VSTM2B: variants seen among roughly 807,000 people sequenced by gnomAD.
VSTM2B encodes the protein V-set and transmembrane domain-containing protein 2B.
Under a neutral mutation model 24.0 loss-of-function variants are expected in VSTM2B, and 24 were observed. That is an observed-to-expected ratio of 1.00 (90% CI 0.72 to 1.40). The LOEUF (loss-of-function observed/expected upper bound fraction) is 1.40, where lower values mean the gene tolerates loss of function less well. Among genes scored for constraint, VSTM2B ranks in the 40% most tolerant of loss-of-function variants. VSTM2B has a pLI of 0.00. For synonymous variants in VSTM2B, 226 were observed against 194.4 expected, an observed-to-expected ratio of 1.16 and a Z score of -1.35; for missense variants, 399 against 416.4, an observed-to-expected ratio of 0.96 and a Z score of 0.36.
intron 4 of VSTM2B, among the ~76,000 whole-genome samples, chr19:29,554,518 G>T (rs937556151): frequency 1.1e-4 from 17 of 152,130 alleles, no homozygotes; most frequent in Non-Finnish European, 2.5e-4. Context: ...CAACAAGTCT[G>T]CAAAATAACC....
intron 4 of VSTM2B, among the ~76,000 whole-genome samples, chr19:29,544,663 A>T (rs1970108204): frequency 6.6e-6 from 1 of 152,032 alleles, no homozygotes; most frequent in Admixed American, 6.5e-5. Flanking sequence ...AGACAAAGAC[A>T]TGTGTACTGG....
intron 4 of VSTM2B, among the ~76,000 whole-genome samples, chr19:29,543,775 C>A (rs921117150): frequency 3.9e-5 from 6 of 152,148 alleles, no homozygotes; most frequent in African/African-American, 1.4e-4. Context: ...TTAAATAGGG[C>A]TAGTATAGGA....
intron 4 of VSTM2B, among the ~76,000 whole-genome samples, chr19:29,539,582 G>A (rs540227925): frequency 1.3e-5 from 2 of 152,286 alleles, no homozygotes; most frequent in East Asian, 3.9e-4. Context: ...CCACAGGGAT[G>A]GGCCTTTTGG....
At position 29,526,605 on chromosome 19, in the gene VSTM2B, G is replaced by T. The variant is rs779184121; in HGVS notation, c.22G>T (p.Gly8Cys). 3.1e-5 allele frequency: 48 copies of T among 1,527,196 alleles called. No homozygotes were observed. The highest frequency in any genetic ancestry group is 6.0e-5 in the South Asian group (5 of 82,658). 94.6% of individuals were successfully genotyped at this position (1,527,196 alleles called of 1,614,324 possible). ...GGAGATGGAACAGCGGAACCGGCTC[G>T]GTGCCCTCGGATACCTGCCGCCTCT... MEQRNRL[G>C]ALGYLPPLLL... Residue 8 changes from glycine (G) to cysteine (C), a missense_variant, in exon 1 of 5, where the codon GGT becomes TGT. Transcript: ENST00000335523. This position sits in a 1 kb window ranked among gnomAD's most constrained non-coding sequence, Gnocchi z 4.1.
chr19:29,530,260 G>A lies in VSTM2B; in HGVS notation c.739G>A (p.Ala247Thr), dbSNP rs935528526. The A allele has an allele frequency of 1.3e-6, 2 of 1,503,372 alleles. No individual in the cohort carries two copies. The highest frequency in any genetic ancestry group is 2.8e-5 in the East Asian group (1 of 36,246). The allele number at this position is 1,503,372 out of a possible 1,614,324, so 93.1% of individuals were successfully genotyped here. ...ASSASPPSGQAVLLRQRHGSG... is the reference protein window; with the variant it reads ...ASSASPPSGQTVLLRQRHGSG... ...GTCAGCGTCGCCGCCATCGGGACAG[G>A]CGGTCCTGCTGCGCCAGAGGCACGG... Residue 247 changes from alanine (A) to threonine (T), a missense_variant, in exon 4 of 5, where the codon GCG becomes ACG. Transcript: ENST00000335523.
intron 4 of VSTM2B, among the ~76,000 whole-genome samples, chr19:29,542,054 G>A (rs996804081): frequency 4.0e-5 from 6 of 150,794 alleles, no homozygotes; most frequent in Non-Finnish European, 5.9e-5. Context: ...ATGGGAGAAC[G>A]AATGGATGGG....
intron 4 of VSTM2B, among the ~76,000 whole-genome samples, chr19:29,562,116 G>C (rs117933162): frequency 0.01 from 1,582 of 152,264 alleles, 15 homozygotes; most frequent in Non-Finnish European, 0.014. Flanking sequence ...CTTTGCATTC[G>C]GATGTTTGAA....
intron 4 of VSTM2B, among the ~76,000 whole-genome samples, chr19:29,556,711 G>A (rs1023533906): frequency 2.6e-5 from 4 of 152,044 alleles, no homozygotes; most frequent in African/African-American, 7.2e-5. Context: ...CAAAAATCAC[G>A]AGTATTCCTG....
intron 4 of VSTM2B, among the ~76,000 whole-genome samples, chr19:29,557,188 C>A (rs564636746): frequency 7.3e-5 from 11 of 151,248 alleles, no homozygotes; most frequent in African/African-American, 2.7e-4. Flanking sequence ...ACAAAAACAG[C>A]CACATAGACC....
chr19:29,545,766 G>C (rs762750869), intron 4 of VSTM2B, among the ~76,000 whole-genome samples: 1 of 152,186 alleles, frequency 6.6e-6, no homozygotes, highest in South Asian at 2.1e-4. Context: ...TGTGTTTGCT[G>C]TTGTGAGTCA....
At chr19:29,529,220 T>A in intron 3 of VSTM2B, 1 of 815,770 alleles carries the variant, frequency 1.2e-6, no homozygotes, top group Non-Finnish European at 1.5e-6. Flanking sequence ...GGCGGGTTGG[T>A]AGCAGGTGGC....
intron 4 of VSTM2B, among the ~76,000 whole-genome samples, chr19:29,549,223 G>C (rs1293930802): frequency 6.6e-6 from 1 of 152,178 alleles, no homozygotes; most frequent in East Asian, 1.9e-4. Flanking sequence ...GTGGCCACTT[G>C]GTGCCTTTAC....
intron 4 of VSTM2B, among the ~76,000 whole-genome samples, chr19:29,536,729 GAA>G (rs1335137086): frequency 1.3e-5 from 2 of 152,108 alleles, no homozygotes; most frequent in Non-Finnish European, 1.5e-5. Flanking sequence ...TAGCCCCCAA[GAA>G]AAGAGCTGGA....
chr19:29,540,186 G>A (rs906612794), intron 4 of VSTM2B, among the ~76,000 whole-genome samples: 1 of 152,250 alleles, frequency 6.6e-6, no homozygotes, highest in Admixed American at 6.5e-5. Context: ...TGGGGGGTGG[G>A]GATTCCTGGT....
intron 4 of VSTM2B, 72 bp downstream of exon 4, chr19:29,530,362 G>T: frequency 1.5e-6 from 2 of 1,350,414 alleles, no homozygotes. Flanking sequence ...GACGCCCCGG[G>T]GGGCTCCGGA....
rs1272340675 is a variant in VSTM2B at position 29,530,198 on chromosome 19, C to T, written c.677C>T (p.Thr226Met). 6 of 1,496,966 alleles carry T rather than the reference C, an allele frequency of 4.0e-6. No homozygotes were observed. The highest frequency in any genetic ancestry group is 2.2e-5 in the Admixed American group (1 of 46,414). 92.7% of individuals were successfully genotyped at this position (1,496,966 alleles called of 1,614,324 possible). ...PEAAAASAAH[T>M]PTTTVAAAAA... Reference sequence around the variant, plus strand: ...GCCGCGGCAGCCTCGGCGGCCCACACGCCCACCACCACAGTCGCGGCAGCT... The same window carrying T: ...GCCGCGGCAGCCTCGGCGGCCCACATGCCCACCACCACAGTCGCGGCAGCT... The change falls in exon 4 of 5, where the codon ACG becomes ATG. Residue 226 changes from threonine (T) to methionine (M), a missense_variant. Transcript: ENST00000335523.
intron 4 of VSTM2B, among the ~76,000 whole-genome samples, chr19:29,532,944 C>T (rs762032980): frequency 2.0e-5 from 3 of 152,134 alleles, no homozygotes; most frequent in Admixed American, 6.6e-5. Context: ...CATGAGCGCA[C>T]TCCTGCTTGA....
At chr19:29,545,244 G>A (rs574566549) in intron 4 of VSTM2B, among the ~76,000 whole-genome samples, 1 of 152,250 alleles carries the variant, frequency 6.6e-6, no homozygotes, top group African/African-American at 2.4e-5. Flanking sequence ...CAGGCGAGAA[G>A]AGTTAGGTCT....
rs1293685646 is a variant in VSTM2B at position 29,549,599 on chromosome 19, G to C, written c.770-14247G>C. ...CCCAATGCTGCCCCAGGAGACCCCT[G>C]ATGCTGGCCCCAATGCTACCCCAGT... On this transcript the variant is annotated intron_variant, in intron 4 of 4. Coordinates refer to ENST00000335523, the MANE Select transcript of VSTM2B (RefSeq NM_001146339.2). Among the ~76,000 whole-genome samples, 6 of 151,632 alleles carry C rather than the reference G, an allele frequency of 4.0e-5. No homozygotes were observed. The South Asian group carries it at 1.3e-3, about 32-fold the overall frequency.
Sources: allele counts gnomAD v4.1 joint callset (sites outside exome capture counted in the v4.1 genomes callset), GRCh38; gene constraint gnomAD v4.1.1; non-coding constraint Gnocchi (gnomAD v3.1); transcripts MANE v1.5; gene names NCBI Gene and HGNC (gene_info 2026-07-23, HGNC 2026-07-21).